The following PTPRN2 variants were observed in gnomAD, a reference collection of about 807,000 sequenced individuals.
The protein encoded by PTPRN2 is protein tyrosine phosphatase receptor type N2.
Under a neutral mutation model 118.8 loss-of-function variants are expected in PTPRN2, and 74 were observed. The ratio of observed to expected loss-of-function variants is 0.62; its 90% confidence interval spans 0.52 to 0.76. The LOEUF is 0.76. PTPRN2 is among the 30% of genes least tolerant of loss of function. The pLI, the probability that PTPRN2 is intolerant of heterozygous loss-of-function variation, is 0.00. For missense variants in PTPRN2, 1,481 were observed against 1,394.4 expected (o/e 1.06, Z -0.99); for synonymous variants, 641 against 608.0 (o/e 1.05, Z -0.80).
At position 157,627,891 on chromosome 7, in the gene PTPRN2, C is replaced by T. The variant is rs1257414430; in HGVS notation, c.2197-6382G>A. 6.6e-5 allele frequency among the ~76,000 whole-genome samples: 10 copies of T among 152,182 alleles called. No individual in the cohort carries two copies. The highest frequency in any genetic ancestry group is 1.4e-4 in the African/African-American group (6 of 41,440). On this transcript the variant is annotated intron_variant, in intron 14 of 22. Transcript: ENST00000389418. The surrounding 1 kb of genome is among the most constrained non-coding windows in gnomAD (Gnocchi z 4.2). ...GAAGATGTGGCTGCATTCTTTTTCG[C>T]GTTCTCACCCTTTGAGAATGACACC...
intron 12 of PTPRN2, among the ~76,000 whole-genome samples, chr7:157,790,185 G>A (rs1458324156): frequency 7.1e-6 from 1 of 141,208 alleles, no homozygotes; most frequent in African/African-American, 2.7e-5. Flanking sequence ...GTGTATGGTG[G>A]TGTGTGTGTG....
intron 21 of PTPRN2, among the ~76,000 whole-genome samples, chr7:157,561,826 C>A (rs1011761594): frequency 6.6e-6 from 1 of 152,268 alleles, no homozygotes; most frequent in Non-Finnish European, 1.5e-5. Context: ...CAGGAAGATG[C>A]AGCAGGAGGA....
intron 2 of PTPRN2, among the ~76,000 whole-genome samples, chr7:158,406,575 A>G (rs1021371200): frequency 2.0e-5 from 3 of 152,216 alleles, no homozygotes; most frequent in African/African-American, 7.2e-5. Flanking sequence ...CTCCTTCCCC[A>G]GGGCAGGTGC....
chr7:158,047,382 A>G (rs1808959725), intron 11 of PTPRN2, among the ~76,000 whole-genome samples: 1 of 152,236 alleles, frequency 6.6e-6, no homozygotes, highest in Admixed American at 6.5e-5. Flanking sequence ...TCCAAGGGCA[A>G]TCTTAGTAAC....
At chr7:158,358,100 C>G (rs961075005) in intron 2 of PTPRN2, among the ~76,000 whole-genome samples, 2 of 152,242 alleles carry the variant, frequency 1.3e-5, no homozygotes, top group Non-Finnish European at 1.5e-5. Context: ...TACATGAACT[C>G]AGCCCAGGAC....
At chr7:157,818,763 A>G (rs1486122703) in intron 12 of PTPRN2, among the ~76,000 whole-genome samples, 2 of 152,174 alleles carry the variant, frequency 1.3e-5, no homozygotes, top group Non-Finnish European at 2.9e-5. Context: ...GAGAAAATGT[A>G]AAACATAAAT....
chr7:157,804,418 AGTG>A (rs1303761882), intron 12 of PTPRN2, among the ~76,000 whole-genome samples: 1 of 152,226 alleles, frequency 6.6e-6, no homozygotes, highest in Non-Finnish European at 1.5e-5. Context: ...TAGGGACTGC[AGTG>A]GTGAACAACT....
At chr7:158,109,133 A>T (rs2150363723) in intron 10 of PTPRN2, among the ~76,000 whole-genome samples, 1 of 151,604 alleles carries the variant, frequency 6.6e-6, no homozygotes, top group East Asian at 2.0e-4. Context: ...TCCTGAGTGA[A>T]GGAGACAGTG....
chr7:158,211,236 G>A (rs1827577213), intron 3 of PTPRN2, among the ~76,000 whole-genome samples: 1 of 152,076 alleles, frequency 6.6e-6, no homozygotes, highest in African/African-American at 2.4e-5. Flanking sequence ...AAAACACTGG[G>A]AAAACTCCCT....
In PTPRN2 at chr7:157,765,643, C is replaced by T. The variant is rs371890706; in HGVS notation, c.1789-82706G>A. ...ATCCATCATCCATTCTTCCTCCATC[C>T]GTCCACCCTTCACCCATCCATCCAT... On this transcript the variant is annotated intron_variant, in intron 12 of 22. Coordinates refer to ENST00000389418, the MANE Select transcript of PTPRN2 (RefSeq NM_002847.5). Among the ~76,000 whole-genome samples, 1,318 of 144,914 alleles carry T rather than the reference C, an allele frequency of 9.1e-3. 26 individuals carry two copies. Among genetic ancestry groups the T allele is most frequent in the African/African-American group, 0.031 (1,214 of 39,146 alleles).
chr7:158,304,534 C>G (rs1801138957), intron 3 of PTPRN2, among the ~76,000 whole-genome samples: 1 of 152,020 alleles, frequency 6.6e-6, no homozygotes, highest in African/African-American at 2.4e-5. Context: ...CTAAGACGTA[C>G]ACAGGCTTGG....
chr7:158,334,318 C>T (rs1230618637), intron 2 of PTPRN2, among the ~76,000 whole-genome samples: 1 of 12,736 alleles, frequency 7.9e-5, no homozygotes, highest in Non-Finnish European at 1.6e-4. Flanking sequence ...GCAGACGTCA[C>T]TCACACCCAC....
chr7:158,379,193 A>G (rs1008360469), intron 2 of PTPRN2, among the ~76,000 whole-genome samples: 2 of 152,146 alleles, frequency 1.3e-5, no homozygotes, highest in African/African-American at 4.8e-5. Flanking sequence ...TCAGGTGTCC[A>G]CACGTAGGAT....
intron 14 of PTPRN2, among the ~76,000 whole-genome samples, chr7:157,640,177 T>C (rs1234708851): frequency 6.6e-6 from 1 of 152,188 alleles, no homozygotes; most frequent in Non-Finnish European, 1.5e-5. Flanking sequence ...TTGATCATGA[T>C]TGAAGGTGTT....
chr7:158,411,585 CCAGT>C (rs2151434211), intron 2 of PTPRN2, among the ~76,000 whole-genome samples: 1 of 152,326 alleles, frequency 6.6e-6, no homozygotes, highest in South Asian at 2.1e-4. Context: ...GGTAACACAG[CCAGT>C]CAGAGGGCAG....
chr7:158,414,165 C>T (rs983455358), intron 2 of PTPRN2, among the ~76,000 whole-genome samples: 4 of 151,736 alleles, frequency 2.6e-5, no homozygotes, highest in East Asian at 1.9e-4. Flanking sequence ...AAGTGAGTAC[C>T]GTGCACTTCC....
At chr7:158,037,803 G>T (rs1342727251) in intron 11 of PTPRN2, among the ~76,000 whole-genome samples, 1 of 152,200 alleles carries the variant, frequency 6.6e-6, no homozygotes, top group Non-Finnish European at 1.5e-5. Context: ...GGGACATGTA[G>T]ATAATTTGGG....
chr7:158,205,306 A>G (rs766424516), intron 3 of PTPRN2, 33 bp from the exon 4 acceptor site: 3 of 1,514,798 alleles, frequency 2.0e-6, no homozygotes, highest in Non-Finnish European at 2.7e-6. Context: ...TTATGTCATC[A>G]TTTTGGAAAT....
chr7:157,686,812 G>C (rs1797219325), intron 12 of PTPRN2, among the ~76,000 whole-genome samples: 1 of 152,090 alleles, frequency 6.6e-6, no homozygotes, highest in African/African-American at 2.4e-5. Context: ...ACAGCGGCAG[G>C]GGTGCGTCCC....
Sources: gnomAD v4.1 joint callset for allele counts (sites outside exome capture counted in the v4.1 genomes callset) on GRCh38, gnomAD v4.1.1 for gene constraint, Gnocchi (gnomAD v3.1) non-coding constraint, MANE v1.5 for transcripts, NCBI Gene and HGNC (gene_info 2026-07-23, HGNC 2026-07-21) for gene names.